EXD3: variants seen among roughly 807,000 people sequenced by gnomAD.
The protein encoded by EXD3 is exonuclease mut-7 homolog.
EXD3 carries 92 observed loss-of-function variants against 98.0 expected under a neutral mutation model. The ratio of observed to expected loss-of-function variants is 0.94; its 90% CI spans 0.79 to 1.12. The LOEUF is 1.12. EXD3 is among the 50% of genes most tolerant of loss of function. EXD3 has a pLI of 0.00. For synonymous variants in EXD3, 569 were observed against 526.0 expected (o/e 1.08, Z -1.12); for missense variants, 1,222 against 1,191.6 (o/e 1.03, Z -0.38).
chr9:137,337,785 C>CT (rs1363375987), intron 17 of EXD3, among the ~76,000 whole-genome samples: 53 of 151,180 alleles, frequency 3.5e-4, no homozygotes, highest in Non-Finnish European at 6.5e-4. Flanking sequence ...TACCATGTAT[C>CT]TTTTTTTTGT....
intron 17 of EXD3, among the ~76,000 whole-genome samples, chr9:137,326,823 G>C (rs1832429054): frequency 6.6e-6 from 1 of 152,108 alleles, no homozygotes; most frequent in South Asian, 2.1e-4. Context: ...AGAGTCAGTA[G>C]AGGATTCAGC....
chr9:137,384,826 A>G (rs11524283), intron 2 of EXD3, among the ~76,000 whole-genome samples: 101,201 of 152,150 alleles, frequency 0.67, 35,527 homozygotes, highest in African/African-American at 0.89. Context: ...AACAAAACCC[A>G]GCCGGCTGTC....
chr9:137,397,071 A>C (rs939001831), intron 1 of EXD3, among the ~76,000 whole-genome samples: 1 of 152,218 alleles, frequency 6.6e-6, no homozygotes, highest in Non-Finnish European at 1.5e-5. Flanking sequence ...CCGCGGCCCC[A>C]GGGCTGAGAA....
At position 137,323,841 on chromosome 9, in the gene EXD3, C is replaced by A. The variant is rs374698744; in HGVS notation, c.2068G>T (p.Gly690Trp). The A allele has an allele frequency of 6.2e-7, 1 of 1,611,266 alleles. No individual in the cohort carries two copies. The highest frequency in any genetic ancestry group is 1.1e-5 in the South Asian group (1 of 91,000). ...QPFHKLRAQV[G>W]AGRCLSVDCS... ...TCGACCGAGAGGCAGCGCCCAGCCCCGACCTGGGCCCGGAGCTGCAAAGAC... is the reference window on the plus strand; with the variant it reads ...TCGACCGAGAGGCAGCGCCCAGCCCAGACCTGGGCCCGGAGCTGCAAAGAC... The change falls in exon 19 of 22, where the codon GGG (glycine) becomes TGG (tryptophan). Residue 690 changes from glycine (G) to tryptophan (W), a missense_variant. By Grantham distance (184) the Gly-to-Trp change is radical (BLOSUM62 -2). Coordinates refer to ENST00000340951, the MANE Select transcript of EXD3 (RefSeq NM_017820.5).
chr9:137,381,531 C>T (rs1836271229), intron 3 of EXD3, among the ~76,000 whole-genome samples: 1 of 152,084 alleles, frequency 6.6e-6, no homozygotes, highest in Admixed American at 6.6e-5. Flanking sequence ...GCGCCTACTC[C>T]AGGCCCTCAC....
chr9:137,343,955 G>C (rs1206605199), intron 17 of EXD3, among the ~76,000 whole-genome samples: 5 of 118,886 alleles, frequency 4.2e-5, no homozygotes, highest in African/African-American at 1.7e-4. Context: ...GCAGTGGCAC[G>C]ATCTCGGCTC....
At chr9:137,394,870 G>A (rs747088818) in intron 2 of EXD3, among the ~76,000 whole-genome samples, 55 of 152,120 alleles carry the variant, frequency 3.6e-4, no homozygotes, top group Non-Finnish European at 6.0e-4. Context: ...CCCTGGAACC[G>A]CCCGAGACCC....
chr9:137,339,844 C>T (rs1327252635), intron 17 of EXD3, among the ~76,000 whole-genome samples: 1 of 152,158 alleles, frequency 6.6e-6, no homozygotes, highest in African/African-American at 2.4e-5. Context: ...ACAAGGATGG[C>T]TACCATCAGC....
intron 1 of EXD3, 42 bp downstream of exon 1, chr9:137,423,072 C>T (rs1838625291): frequency 6.6e-6 from 1 of 151,878 alleles, no homozygotes; most frequent in Non-Finnish European, 1.5e-5. Context: ...GCCCCCGGCG[C>T]CCAGACCGCC....
intron 17 of EXD3, among the ~76,000 whole-genome samples, chr9:137,342,295 C>T (rs74426705): frequency 0.019 from 2,314 of 118,960 alleles, 14 homozygotes; most frequent in East Asian, 0.023. Flanking sequence ...AGCCGTCTCC[C>T]AGGGGAGTCA....
intron 17 of EXD3, among the ~76,000 whole-genome samples, chr9:137,333,563 G>T (rs1219891318): frequency 6.6e-6 from 1 of 152,166 alleles, no homozygotes; most frequent in East Asian, 1.9e-4. Flanking sequence ...CGATCATGGG[G>T]GAGGATTTCT....
intron 17 of EXD3, among the ~76,000 whole-genome samples, chr9:137,330,624 A>ACACAGGAGCTACACAGGAG (rs1564482483): frequency 9.0e-6 from 1 of 111,162 alleles, no homozygotes; most frequent in Non-Finnish European, 2.0e-5. Context: ...CTACACAGGA[A>ACACAGGAGCTACACAGGAG]CTACACAGGA....
intron 1 of EXD3, among the ~76,000 whole-genome samples, chr9:137,396,375 A>G (rs937442759): frequency 1.3e-5 from 2 of 152,212 alleles, no homozygotes; most frequent in Non-Finnish European, 2.9e-5. Flanking sequence ...CTGAGTGCAT[A>G]GCTTTAGTTT....
At position 137,332,081 on chromosome 9, in the gene EXD3, A is replaced by G. The variant is rs118121386; in HGVS notation, c.1999-7938T>C. Among the ~76,000 whole-genome samples, 159 of 152,300 alleles carry G rather than the reference A, an allele frequency of 1.0e-3. 3 individuals carry two copies. In the East Asian group the frequency reaches 0.022, roughly 21 times the overall value. ...GAACTACAAAATACTGCTGAAAGAA[A>G]TCATGAATGACGCAAACAAATGGAA... On this transcript the variant is annotated intron_variant, in intron 17 of 21. Coordinates refer to ENST00000340951, the MANE Select transcript of EXD3 (RefSeq NM_017820.5).
chr9:137,311,981 C>T (rs1299873949), intron 19 of EXD3, among the ~76,000 whole-genome samples: 1 of 152,138 alleles, frequency 6.6e-6, no homozygotes, highest in Non-Finnish European at 1.5e-5. Flanking sequence ...GGGCTGAGAG[C>T]CCCTGCCCTC....
At chr9:137,414,919 A>G (rs1428351357) in intron 1 of EXD3, among the ~76,000 whole-genome samples, 1 of 152,092 alleles carries the variant, frequency 6.6e-6, no homozygotes. Context: ...ACGGAATCTC[A>G]CTTTGTCGCC....
At chr9:137,354,875 T>C (rs964934890) in intron 8 of EXD3, 102 bp from the exon 9 acceptor site, 3 of 1,153,256 alleles carry the variant, frequency 2.6e-6, no homozygotes, top group South Asian at 1.5e-5. Context: ...CGCCTGCCCC[T>C]TCACCGTCCT....
chr9:137,355,669 AAGGGAGGATGGAGGAAGGAGAAAGG>A (rs1564509080), intron 8 of EXD3, among the ~76,000 whole-genome samples: 17 of 48,050 alleles, frequency 3.5e-4, no homozygotes, highest in Admixed American at 9.2e-4. Context: ...AGGAAGGAGA[AAGGGAGGATGGAGGAAGGAGAAAGG>A]GAGGAAGGAG....
intron 19 of EXD3, among the ~76,000 whole-genome samples, chr9:137,315,144 G>T (rs1027232202): frequency 6.6e-6 from 1 of 152,194 alleles, no homozygotes; most frequent in Non-Finnish European, 1.5e-5. Flanking sequence ...GGGGGCTAGC[G>T]CCTGGCAGTG....
Sources: gnomAD v4.1 joint callset for allele counts (sites outside exome capture counted in the v4.1 genomes callset) on GRCh38, gnomAD v4.1.1 for gene constraint, MANE v1.5 for transcripts, NCBI Gene and HGNC (gene_info 2026-07-23, HGNC 2026-07-21) for gene names.